Variants in UBASH3A observed in about 807,000 individuals in gnomAD.
The protein encoded by UBASH3A is ubiquitin associated and SH3 domain containing A, also known as ubiquitin-associated and SH3 domain-containing protein A.
UBASH3A carries 63 observed loss-of-function variants against 73.5 expected under a neutral mutation model. That is an observed-to-expected ratio of 0.86 (90% CI 0.70 to 1.06). The LOEUF (loss-of-function observed/expected upper bound fraction) is 1.06, where lower values mean the gene tolerates loss of function less well. Among genes scored for constraint, UBASH3A ranks in the 50% least tolerant of loss-of-function variants. UBASH3A has a pLI of 0.00. For missense variants in UBASH3A, 860 were observed against 859.0 expected, an observed-to-expected ratio of 1.00 and a Z score of -0.02; for synonymous variants, 363 against 351.1, an observed-to-expected ratio of 1.03 and a Z score of -0.38.
Position 42,434,915 on chromosome 21 carries a change from C to T in UBASH3A, c.1354C>T (p.Pro452Ser), listed in dbSNP as rs772286077. 5 of 1,614,202 alleles carry T rather than the reference C, an allele frequency of 3.1e-6. No individual in the cohort carries two copies. The South Asian group carries it at 5.5e-5, about 18-fold the overall frequency. Residue 452 changes from proline to serine, a missense_variant, in exon 10 of 15, where the codon CCA (proline) becomes TCA (serine). Pro to Ser is a moderately conservative substitution (Grantham distance 74). Transcript: ENST00000319294. The stretch of plus-strand genomic sequence containing the variant: ...GATCAAAGACTTTGAAAACGATCCC[C>T]CATTATCATCGTGTGGCATTTTCCA... Reference protein sequence around the residue: ...RGIKDFENDPPLSSCGIFQSR... With the variant: ...RGIKDFENDPSLSSCGIFQSR...
chr21:42,409,675 C>A, intron 3 of UBASH3A, 67 bp downstream of exon 3: 1 of 1,415,564 alleles, frequency 7.1e-7, no homozygotes, highest in Non-Finnish European at 9.7e-7. Context: ...CTAACTAGGC[C>A]ATGATGGGAC....
chr21:42,410,462 A>T, intron 3 of UBASH3A: 1 of 445,812 alleles, frequency 2.2e-6, no homozygotes, highest in Non-Finnish European at 3.9e-6. Flanking sequence ...AGGAATGCAA[A>T]CCTCTGAAGG....
At chr21:42,408,295 A>G (rs1012646643) in intron 2 of UBASH3A, among the ~76,000 whole-genome samples, 2 of 152,238 alleles carry the variant, frequency 1.3e-5, no homozygotes, top group African/African-American at 2.4e-5. Context: ...CTTCCAAACC[A>G]TGATTTCTAA....
intron 14 of UBASH3A, among the ~76,000 whole-genome samples, chr21:42,446,400 C>T (rs2053843899): frequency 1.3e-5 from 2 of 152,174 alleles, no homozygotes; most frequent in Non-Finnish European, 2.9e-5. Context: ...CCTCTGCAAG[C>T]GTGAGGAAAG....
intron 2 of UBASH3A, 117 bp downstream of exon 2, chr21:42,406,478 G>A: frequency 1.2e-6 from 1 of 818,724 alleles, no homozygotes; most frequent in African/African-American, 1.7e-5. Context: ...GGTGGGATGG[G>A]GCCACTGCGG....
At chr21:42,405,983 T>G (rs1466118721) in intron 1 of UBASH3A, among the ~76,000 whole-genome samples, 774 of 60,476 alleles carry the variant, frequency 0.013, no homozygotes, top group East Asian at 0.028. Flanking sequence ...ATCTAGGCAG[T>G]GGGGGGGGGG....
intron 7 of UBASH3A, among the ~76,000 whole-genome samples, chr21:42,419,622 G>A (rs557641364): frequency 4.6e-5 from 7 of 152,276 alleles, no homozygotes; most frequent in South Asian, 2.1e-4. Flanking sequence ...TTTCTCTGCT[G>A]TGCTACTCAA....
chr21:42,411,967 A>G (rs2053107313), intron 3 of UBASH3A, among the ~76,000 whole-genome samples: 1 of 152,218 alleles, frequency 6.6e-6, no homozygotes, highest in African/African-American at 2.4e-5. Context: ...CGGAAGCTGC[A>G]TTAAACACTG....
At chr21:42,432,962 T>C (rs906372294) in intron 9 of UBASH3A, among the ~76,000 whole-genome samples, 1 of 152,182 alleles carries the variant, frequency 6.6e-6, no homozygotes, top group Non-Finnish European at 1.5e-5. Flanking sequence ...AACAAACATA[T>C]AAGAAACTTT....
At chr21:42,430,658 G>A (rs113294602) in intron 8 of UBASH3A, among the ~76,000 whole-genome samples, 4 of 152,268 alleles carry the variant, frequency 2.6e-5, no homozygotes, top group South Asian at 4.1e-4. Flanking sequence ...GTGGCAGGCC[G>A]TGTTCGCTCT....
chr21:42,405,330 A>T (rs1255555617), intron 1 of UBASH3A, among the ~76,000 whole-genome samples: 1 of 152,190 alleles, frequency 6.6e-6, no homozygotes, highest in Non-Finnish European at 1.5e-5. Context: ...GGGCCCAGAG[A>T]GTGCATTAGT....
chr21:42,413,523 T>G lies in UBASH3A; in HGVS notation c.667T>G (p.Tyr223Asp). 6.2e-7 allele frequency: 1 copy of G among 1,610,368 alleles called. No homozygotes were observed. Among genetic ancestry groups the G allele is most frequent in the Non-Finnish European group, 8.5e-7 (1 of 1,176,986 alleles). ...CGTGAGCCACTACATCCTTCAAAAA[T>G]GTAAGCCATTAGAAAGCTTCCGGAC... The part of the protein sequence containing the change: ...SFVSHYILQK[Y>D]CSVKPCTKQL... The change falls in exon 5 of 15, where the codon TAC becomes GAC. Residue 223 changes from tyrosine to aspartate, a missense_variant and splice_region_variant. Tyr to Asp is a radical substitution (Grantham distance 160, BLOSUM62 -3). Coordinates refer to ENST00000319294, the MANE Select transcript of UBASH3A (RefSeq NM_018961.4). This position sits in a 1 kb window ranked among gnomAD's most constrained non-coding sequence, Gnocchi z 4.5.
In UBASH3A at chr21:42,413,150, G is replaced by A. The variant is rs374740398; in HGVS notation, c.481G>A (p.Val161Ile). The A allele has an allele frequency of 6.2e-5, 100 of 1,614,062 alleles. No homozygotes were observed. Among genetic ancestry groups the A allele is most frequent in the East Asian group, 3.8e-4 (17 of 44,896 alleles). The change falls in exon 4 of 15, where the codon GTC (valine) becomes ATC (isoleucine). Residue 161 changes from valine (V) to isoleucine (I), a missense_variant. Physicochemically the swap from Val to Ile is conservative, Grantham distance 29. Transcript: ENST00000319294. This position sits in a 1 kb window ranked among gnomAD's most constrained non-coding sequence, Gnocchi z 4.5. ...HSSISYLGFF[V>I]SGSPADVIRE... is the part of the protein sequence containing the mutation. ...CTCCATCAGCTACCTCGGCTTCTTC[G>A]TCAGTGGCAGCCCCGCAGACGTCAT... is the stretch of plus-strand genomic sequence containing the variant.
At position 42,432,101 on chromosome 21, in the gene UBASH3A, A is replaced by G. The variant is rs2053541990; in HGVS notation, c.1171-2A>G. ...TGCCTTGCTTCCTGCCCCACCCCCC[A>G]GGCTACCGTTGCAAGGAAGAGCGTG... is the stretch of plus-strand genomic sequence containing the variant. On this transcript the variant is annotated splice_acceptor_variant, in intron 8 of 14. Coordinates refer to ENST00000319294, the MANE Select transcript of UBASH3A (RefSeq NM_018961.4). LOFTEE classifies it high-confidence loss of function. 1 of 1,608,516 alleles carries G rather than the reference A, an allele frequency of 6.2e-7. No individual in the cohort carries two copies. The highest frequency in any genetic ancestry group is 1.1e-5 in the South Asian group (1 of 90,486).
At position 42,447,113 on chromosome 21, in the gene UBASH3A, G is replaced by A. The variant is rs1299766423; in HGVS notation, c.1905G>A (p.Glu635=). The change falls in exon 15 of 15, where the codon GAG becomes GAA. Residue 635 remains glutamate, a synonymous_variant. Transcript: ENST00000319294. ...AAAATAAAGAGGAAGGAAAATGGGA[G>A]TTGGTGAACCCACCGGTGAAGACCC... The part of the protein sequence containing the change: ...CEENKEEGKW[E]LVNPPVKTLT... 3 of 1,614,112 alleles carry A rather than the reference G, an allele frequency of 1.9e-6. No homozygotes were observed. Among genetic ancestry groups the A allele is most frequent in the Non-Finnish European group, 8.5e-7 (1 of 1,179,982 alleles).
rs78271441 is a variant in UBASH3A, at chr21:42,418,733, A to G, written c.1046+124A>G. On this transcript the variant is annotated intron_variant, in intron 7 of 14. Transcript: ENST00000319294. The stretch of plus-strand genomic sequence containing the variant: ...TGGTAAAATTGCATTCTGTATGCTG[A>G]CAAAATTATTCCTGCAGGTATATAG... 4.7e-3 allele frequency: 4,079 copies of G among 868,376 alleles called. 113 individuals carry two copies. The African/African-American group carries it at 0.059, about 13-fold the overall frequency. 53.8% of individuals were successfully genotyped at this position (868,376 alleles called of 1,614,324 possible).
intron 11 of UBASH3A, among the ~76,000 whole-genome samples, chr21:42,439,624 G>A (rs986679553): frequency 2.6e-5 from 4 of 151,588 alleles, no homozygotes; most frequent in Non-Finnish European, 1.5e-5. Context: ...TCCTCACAAC[G>A]CTGGCATGCA....
At chr21:42,411,622 C>T (rs1290081292) in intron 3 of UBASH3A, among the ~76,000 whole-genome samples, 2 of 152,156 alleles carry the variant, frequency 1.3e-5, no homozygotes, top group African/African-American at 2.4e-5. Flanking sequence ...CACACACCTC[C>T]CTCTGTCGTT....
chr21:42,434,441 GT>G, intron 9 of UBASH3A, among the ~76,000 whole-genome samples: 1 of 152,282 alleles, frequency 6.6e-6, no homozygotes, highest in East Asian at 1.9e-4. Flanking sequence ...AGAAGGATAC[GT>G]TTAAAGCTAG....
Sources: allele counts gnomAD v4.1 joint callset (sites outside exome capture counted in the v4.1 genomes callset), GRCh38; gene constraint gnomAD v4.1.1; non-coding constraint Gnocchi (gnomAD v3.1); transcripts MANE v1.5; gene names NCBI Gene and HGNC (gene_info 2026-07-23, HGNC 2026-07-21).